FGF13: variants seen among roughly 807,000 people sequenced by gnomAD.
The protein encoded by FGF13 is fibroblast growth factor 13, also known as fibroblast growth factor homologous factor 2.
In FGF13, 2 loss-of-function variants were observed where a neutral mutation model predicts 19.5. The observed-to-expected ratio is 0.10, with a 90% CI of 0.04 to 0.32. FGF13 has a LOEUF of 0.32. FGF13 is among the 10% of genes least tolerant of loss of function. The pLI is 1.00. For missense variants in FGF13, 113 were observed against 192.7 expected (o/e 0.59, Z 2.45); for synonymous variants, 72 against 76.9 (o/e 0.94, Z 0.33).
intron 3 of FGF13, among the ~76,000 whole-genome samples, chrX:138,839,191 A>T (rs1358361715): frequency 9.0e-6 from 1 of 110,948 alleles, no homozygotes; most frequent in Non-Finnish European, 1.9e-5. Flanking sequence ...TTGTCATATG[A>T]TACCTTTCAT....
At chrX:139,023,984 C>T (rs1323887597) in intron 1 of FGF13, among the ~76,000 whole-genome samples, 2 of 111,136 alleles carry the variant, frequency 1.8e-5, no homozygotes, top group African/African-American at 3.3e-5. Flanking sequence ...TGCTCCACAC[C>T]AGTCAGTAGT....
intron 1 of FGF13, among the ~76,000 whole-genome samples, chrX:139,174,007 C>T (rs1434661484): frequency 8.9e-6 from 1 of 112,247 alleles, no homozygotes; most frequent in African/African-American, 3.2e-5. Context: ...AACTAGTTTA[C>T]AGTCCCACCA....
In FGF13 at chrX:138,627,752, A is replaced by C. The variant is rs1158333611; in HGVS notation, c.*5098T>G. 1 of 110,584 alleles carries C rather than the reference A, an allele frequency of 9.0e-6. No individual in the cohort carries two copies. The highest frequency in any genetic ancestry group is 1.9e-5 in the Non-Finnish European group (1 of 53,010). The allele number at this position is 110,584 out of a possible 1,213,427, so 9.1% of individuals were successfully genotyped here. ...TGGTTAGTTTACAATTCTAAAACTG[A>C]AAATCATCCACATTGTGTGTTCTAG... On this transcript the variant is annotated 3_prime_UTR_variant, in exon 5 of 5. Coordinates refer to ENST00000315930, the MANE Select transcript of FGF13 (RefSeq NM_004114.5).
chrX:139,029,988 CA>C lies in FGF13; in HGVS notation c.-112-165339del, dbSNP rs762488300. Among the ~76,000 whole-genome samples, 247 of 111,720 alleles carry C rather than the reference CA, an allele frequency of 2.2e-3. 2 individuals carry two copies. Among genetic ancestry groups the C allele is most frequent in the African/African-American group, 7.4e-3 (229 of 30,842 alleles). ...ACTATTCAACTCTGCAATTATAGTG[CA>C]AATCCAGAAATAGACCTATGTAAAC... On this transcript the variant is annotated intron_variant, in intron 1 of 2. Coordinates refer to the FGF13 transcript ENST00000421460.
chrX:138,972,903 CTTCA>C (rs1045926557), intron 1 of FGF13, among the ~76,000 whole-genome samples: 3 of 38,430 alleles, frequency 7.8e-5, no homozygotes, highest in African/African-American at 2.0e-4. Flanking sequence ...GAATAATTTA[CTTCA>C]TTATTTTTTT....
chrX:138,748,049 C>T (rs2090368724), intron 3 of FGF13, among the ~76,000 whole-genome samples: 1 of 111,305 alleles, frequency 9.0e-6, no homozygotes, highest in Non-Finnish European at 1.9e-5. Flanking sequence ...CTGGGACTTC[C>T]ACTAGTCCCT....
chrX:138,920,880 A>G (rs1008707961), intron 1 of FGF13, among the ~76,000 whole-genome samples: 2 of 111,566 alleles, frequency 1.8e-5, no homozygotes, highest in Non-Finnish European at 3.8e-5. Flanking sequence ...AACTGGTATC[A>G]ATTTTAATGT....
chrX:139,034,528 A>G (rs2092244198), intron 1 of FGF13, among the ~76,000 whole-genome samples: 2 of 111,105 alleles, frequency 1.8e-5, no homozygotes, highest in Admixed American at 9.6e-5. Flanking sequence ...GAATGGCTCG[A>G]AAGTTGAAAA....
At chrX:138,673,670 G>A (rs1184881590) in intron 3 of FGF13, among the ~76,000 whole-genome samples, 1 of 111,482 alleles carries the variant, frequency 9.0e-6, no homozygotes, top group African/African-American at 3.3e-5. Flanking sequence ...AATCAAATGG[G>A]ATAAATAACA....
At chrX:138,684,183 G>A (rs1386932179) in intron 3 of FGF13, among the ~76,000 whole-genome samples, 2 of 111,529 alleles carry the variant, frequency 1.8e-5, no homozygotes, top group African/African-American at 6.5e-5. Flanking sequence ...GACTTAAGAG[G>A]TCAAAGAAAT....
At chrX:138,863,389 A>G (rs1263699415) in intron 2 of FGF13, among the ~76,000 whole-genome samples, 1 of 111,160 alleles carries the variant, frequency 9.0e-6, no homozygotes, top group East Asian at 2.8e-4. Flanking sequence ...CTAACTCTCA[A>G]TTTCCACATA....
intron 1 of FGF13, among the ~76,000 whole-genome samples, chrX:139,054,899 G>GTATTGTA (rs2092316084): frequency 1.2e-4 from 12 of 98,942 alleles, no homozygotes; most frequent in African/African-American, 3.3e-4. Context: ...GTTGTGTTGT[G>GTATTGTA]TTGTATTGTA....
At chrX:138,878,346 C>A (rs2091403519) in intron 1 of FGF13, among the ~76,000 whole-genome samples, 1 of 89,826 alleles carries the variant, frequency 1.1e-5, no homozygotes, top group African/African-American at 4.2e-5. Flanking sequence ...GTTCCCCTTC[C>A]TGTGTCCATG....
At chrX:139,070,174 T>A (rs954679623) in intron 1 of FGF13, among the ~76,000 whole-genome samples, 2 of 111,650 alleles carry the variant, frequency 1.8e-5, no homozygotes, top group Non-Finnish European at 3.8e-5. Flanking sequence ...CAAAAGAAAC[T>A]ATCATCAGAG....
At chrX:138,804,416 C>A (rs2090851175) in intron 3 of FGF13, among the ~76,000 whole-genome samples, 1 of 112,155 alleles carries the variant, frequency 8.9e-6, no homozygotes, top group Admixed American at 9.5e-5. Flanking sequence ...CTGAACTGTG[C>A]AATTCACTGT....
At position 139,197,862 on chromosome X, in the gene FGF13, C is replaced by T. The variant is rs183901383; in HGVS notation, c.-113+5554G>A. ...CAAAAAATTGGCCGGGCGGTGGTGG[C>T]GTGTGCCTGTAATCCCAGCTACTAG... On this transcript the variant is annotated intron_variant, in intron 1 of 2. Transcript: ENST00000421460. Among the ~76,000 whole-genome samples, 159 of 107,876 alleles carry T rather than the reference C, an allele frequency of 1.5e-3. 2 individuals are homozygous for T. Among genetic ancestry groups the T allele is most frequent in the African/African-American group, 5.3e-3 (156 of 29,540 alleles). The allele number at this position is 107,876 out of a possible 115,157, so 93.7% of individuals were successfully genotyped here.
chrX:138,853,919 G>A (rs992957698), downstream of FGF13, among the ~76,000 whole-genome samples: 6 of 111,185 alleles, frequency 5.4e-5, no homozygotes, highest in African/African-American at 9.8e-5. Context: ...TCCAAGGAGT[G>A]GCATTTAGGA....
At chrX:138,685,212 A>G (rs761708308) in intron 3 of FGF13, among the ~76,000 whole-genome samples, 203 of 111,377 alleles carry the variant, frequency 1.8e-3, no homozygotes, top group Non-Finnish European at 2.9e-3. Flanking sequence ...TAACAGCAAG[A>G]GAAACTTTCT....
At chrX:139,164,231 A>G (rs1426916783) in intron 1 of FGF13, among the ~76,000 whole-genome samples, 18 of 110,473 alleles carry the variant, frequency 1.6e-4, no homozygotes, top group East Asian at 2.8e-4. Context: ...CATTAGGTAT[A>G]TCTCCCAATG....
Sources: allele counts gnomAD v4.1 joint callset (sites outside exome capture counted in the v4.1 genomes callset), GRCh38; gene constraint gnomAD v4.1.1; transcripts MANE v1.5; gene names NCBI Gene and HGNC (gene_info 2026-07-23, HGNC 2026-07-21).